Variants in TTC17 observed in about 807,000 individuals in gnomAD.
TTC17 encodes the protein tetratricopeptide repeat protein 17.
Under a neutral mutation model 143.8 loss-of-function variants are expected in TTC17, and 58 were observed. The ratio of observed to expected loss-of-function variants is 0.40; its 90% CI spans 0.33 to 0.50. The LOEUF (loss-of-function observed/expected upper bound fraction) is 0.50. Ranked by LOEUF, TTC17 falls within the 20% of genes least tolerant of loss-of-function variation. The pLI is 0.49. For missense variants in TTC17, 1,273 were observed against 1,392.5 expected (o/e 0.91, Z 1.37); for synonymous variants, 501 against 497.8 (o/e 1.01, Z -0.09).
intron 1 of TTC17, among the ~76,000 whole-genome samples, chr11:43,376,810 G>A (rs980504836): frequency 6.6e-5 from 10 of 152,122 alleles, no homozygotes; most frequent in African/African-American, 2.4e-4. Context: ...AAAAATGGGG[G>A]TGTGTTCTGA....
At chr11:43,383,679 T>C (rs1048678151) in intron 2 of TTC17, among the ~76,000 whole-genome samples, 1 of 152,154 alleles carries the variant, frequency 6.6e-6, no homozygotes, top group Non-Finnish European at 1.5e-5. Flanking sequence ...ACAAACTCTA[T>C]TTTTAAAAGA....
rs185363196 is a variant in TTC17 at position 43,452,356 on chromosome 11, C to T, written c.3030+1091C>T. ...CTCTACTAAAAATACAAAAATCAGC[C>T]GGGTGCGGTGGCACGCACCTGTAAT... is the stretch of plus-strand genomic sequence containing the variant. On this transcript the variant is annotated intron_variant, in intron 21 of 23. Transcript: ENST00000039989. Among the ~76,000 whole-genome samples the T allele has an allele frequency of 2.6e-4, 40 of 152,136 alleles. No individual in the cohort carries two copies. The East Asian group carries it at 5.6e-3, about 21-fold the overall frequency.
Position 43,391,890 on chromosome 11 carries a change from T to C in TTC17, c.601T>C (p.Ser201Pro). 1 of 1,613,954 alleles carries C rather than the reference T, an allele frequency of 6.2e-7. No individual in the cohort carries two copies. The highest frequency in any genetic ancestry group is 8.5e-7 in the Non-Finnish European group (1 of 1,179,976). Residue 201 changes from serine (S) to proline (P), a missense_variant, in exon 5 of 24, where the codon TCT (serine) becomes CCT (proline). Ser to Pro is a moderately conservative substitution (Grantham distance 74, BLOSUM62 -1). This residue lies in a region of TTC17 where 325 missense variants were observed against 444.2 expected (regional missense o/e 0.73). Transcript: ENST00000039989. ...PKEDPIFTYLSKRLGRSIDDI... is the reference protein window; with the variant it reads ...PKEDPIFTYLPKRLGRSIDDI... Reference sequence around the variant, plus strand: ...AGAAGACCCAATCTTCACATATTTATCTAAACGGTTAGGAAGGAGTATAGA... The same window carrying C: ...AGAAGACCCAATCTTCACATATTTACCTAAACGGTTAGGAAGGAGTATAGA...
intron 16 of TTC17, among the ~76,000 whole-genome samples, chr11:43,440,102 A>G (rs907666000): frequency 5.9e-5 from 9 of 152,242 alleles, no homozygotes; most frequent in Non-Finnish European, 1.2e-4. Flanking sequence ...AAACCTTCTG[A>G]GATCTCTCTA....
intron 16 of TTC17, among the ~76,000 whole-genome samples, chr11:43,415,023 G>A (rs1376758273): frequency 6.6e-6 from 1 of 152,154 alleles, no homozygotes; most frequent in African/African-American, 2.4e-5. Flanking sequence ...ATTCAACTGG[G>A]ATGGATAGGC....
chr11:43,477,529 ATGG>A (rs1156611558), intron 21 of TTC17, among the ~76,000 whole-genome samples: 10 of 152,212 alleles, frequency 6.6e-5, no homozygotes, highest in Admixed American at 6.5e-4. Context: ...TACTTCTTAC[ATGG>A]TGGTGGCAAG....
intron 21 of TTC17, among the ~76,000 whole-genome samples, chr11:43,477,937 C>T (rs950315904): frequency 6.6e-6 from 1 of 152,118 alleles, no homozygotes; most frequent in African/African-American, 2.4e-5. Flanking sequence ...TGAATATCAG[C>T]AGTGATCATC....
At chr11:43,359,938 A>C (rs1175839462) in intron 1 of TTC17, among the ~76,000 whole-genome samples, 4 of 152,222 alleles carry the variant, frequency 2.6e-5, no homozygotes, top group African/African-American at 4.8e-5. Flanking sequence ...GCTGATGCCT[A>C]ACGAGTGCGT....
chr11:43,465,696 T>G (rs1947957775), intron 21 of TTC17, among the ~76,000 whole-genome samples: 1 of 152,162 alleles, frequency 6.6e-6, no homozygotes, highest in Non-Finnish European at 1.5e-5. Flanking sequence ...GAAAAGATGG[T>G]CTCTTCAAAA....
intron 15 of TTC17, among the ~76,000 whole-genome samples, chr11:43,413,151 T>C (rs1043162681): frequency 6.6e-6 from 1 of 152,104 alleles, no homozygotes; most frequent in African/African-American, 2.4e-5. Flanking sequence ...CAATGGAACA[T>C]AATAGGGAAT....
At chr11:43,414,037 A>G (rs1038527010) in intron 15 of TTC17, among the ~76,000 whole-genome samples, 14 of 152,230 alleles carry the variant, frequency 9.2e-5, no homozygotes, top group African/African-American at 3.1e-4. Flanking sequence ...AAATAGCCCA[A>G]CTGCTAATCG....
In TTC17 at chr11:43,448,142, C is replaced by G. The variant is rs779057627; in HGVS notation, c.2786+20C>G. 6.2e-7 allele frequency: 1 copy of G among 1,613,206 alleles called. No homozygotes were observed. Among genetic ancestry groups the G allele is most frequent in the South Asian group, 1.1e-5 (1 of 90,942 alleles). Reference sequence around the variant, plus strand: ...CATTGAGTAAGTATGTTAAGCCTCTCCCTCCTTTATGGCATTTGAGTCCCA... The same window carrying G: ...CATTGAGTAAGTATGTTAAGCCTCTGCCTCCTTTATGGCATTTGAGTCCCA... On this transcript the variant is annotated intron_variant, in intron 19 of 23. Transcript: ENST00000039989.
intron 16 of TTC17, chr11:43,435,309 G>A (rs1241669132): frequency 6.6e-6 from 1 of 152,146 alleles, no homozygotes; most frequent in Non-Finnish European, 1.5e-5. Flanking sequence ...AACACAAGGG[G>A]GAAAGAGGAC....
At position 43,483,743 on chromosome 11, in the gene TTC17, A is replaced by G. The variant is rs573936053; in HGVS notation, c.3031-6496A>G. ...TCTACTTCAAAGATGATTCTTACTG[A>G]GGAAATATGAAAAATAATTACTTGA... On this transcript the variant is annotated intron_variant, in intron 21 of 23. Transcript: ENST00000039989. Among the ~76,000 whole-genome samples, 67 of 152,364 alleles carry G rather than the reference A, an allele frequency of 4.4e-4. 1 individual carries two copies. Among genetic ancestry groups the G allele is most frequent in the African/African-American group, 1.5e-3 (63 of 41,584 alleles).
chr11:43,471,268 C>A (rs1283835355), intron 21 of TTC17, among the ~76,000 whole-genome samples: 3 of 152,154 alleles, frequency 2.0e-5, no homozygotes, highest in Non-Finnish European at 2.9e-5. Flanking sequence ...AGAGTAATTC[C>A]CCTACTTTTG....
At chr11:43,445,563 G>A (rs994679462) in intron 18 of TTC17, among the ~76,000 whole-genome samples, 18 of 152,150 alleles carry the variant, frequency 1.2e-4, no homozygotes, top group African/African-American at 3.4e-4. Flanking sequence ...AACTAAAGCC[G>A]AATATGGTTG....
chr11:43,399,590 G>T (rs1857761802), intron 8 of TTC17, among the ~76,000 whole-genome samples: 1 of 152,134 alleles, frequency 6.6e-6, no homozygotes, highest in Non-Finnish European at 1.5e-5. Flanking sequence ...AGGACCCCTT[G>T]AGCCCAGGAG....
rs2270572 is a variant in TTC17 at position 43,399,835 on chromosome 11, A to C, written c.1059-53A>C. ...AAAATCTGTGCATTTAAGTGGGTTTAAAATTTATGATTTTATAGCTCTAAC... is the reference window on the plus strand; with the variant it reads ...AAAATCTGTGCATTTAAGTGGGTTTCAAATTTATGATTTTATAGCTCTAAC... On this transcript the variant is annotated intron_variant, in intron 8 of 23. Transcript: ENST00000039989. 3.2e-4 allele frequency: 488 copies of C among 1,541,450 alleles called. 5 individuals carry two copies. The East Asian group carries it at 0.011, about 35-fold the overall frequency.
intron 1 of TTC17, among the ~76,000 whole-genome samples, chr11:43,377,105 A>G (rs1191105104): frequency 6.6e-6 from 1 of 152,214 alleles, no homozygotes; most frequent in Non-Finnish European, 1.5e-5. Flanking sequence ...CAGGCTGGCC[A>G]ACATGGTGAA....
Sources: gnomAD v4.1 joint callset for allele counts (sites outside exome capture counted in the v4.1 genomes callset) on GRCh38, gnomAD v4.1.1 for gene constraint, gnomAD v4.1.1 regional missense constraint, MANE v1.5 for transcripts, NCBI Gene and HGNC (gene_info 2026-07-23, HGNC 2026-07-21) for gene names.